The following DISC1 variants were observed in gnomAD, a reference collection of about 807,000 sequenced individuals.
DISC1 encodes the protein disrupted in schizophrenia 1 protein.
A neutral mutation model predicts 84.5 loss-of-function variants in DISC1; 57 were observed. That is an observed-to-expected ratio of 0.67 (90% CI 0.55 to 0.84). The LOEUF is 0.84. Ranked by LOEUF, DISC1 falls within the 40% of genes least tolerant of loss-of-function variation. DISC1 has a pLI of 0.00. For synonymous variants in DISC1, 411 were observed against 415.2 expected (o/e 0.99, Z 0.12); for missense variants, 1,000 against 1,057.8 (o/e 0.95, Z 0.76).
Position 232,005,948 on chromosome 1 carries a change from A to T in DISC1, c.2043-2837A>T, listed in dbSNP as rs186926197. 2.5e-3 allele frequency among the ~76,000 whole-genome samples: 378 copies of T among 152,308 alleles called. 2 individuals carry two copies. Among genetic ancestry groups the T allele is most frequent in the Non-Finnish European group, 4.1e-3 (278 of 68,026 alleles). ...AATTCCTGATTTTGGTTTTCCAAAA[A>T]AAAGTCAAAATTTTGTCAACATTGA... On this transcript the variant is annotated intron_variant, in intron 10 of 12. Coordinates refer to ENST00000439617, the MANE Select transcript of DISC1 (RefSeq NM_018662.3).
At chr1:231,785,257 T>TTTA (rs376064708) in intron 6 of DISC1, among the ~76,000 whole-genome samples, 2,774 of 104,722 alleles carry the variant, frequency 0.026, 38 homozygotes, top group Non-Finnish European at 0.035. Flanking sequence ...GTGTGTGTTA[T>TTTA]TTTATTTATT....
At chr1:231,981,452 G>A (rs1663594669) in intron 10 of DISC1, among the ~76,000 whole-genome samples, 2 of 152,132 alleles carry the variant, frequency 1.3e-5, no homozygotes, top group South Asian at 2.1e-4. Context: ...AGATCCCCTG[G>A]GTTTTAGAGT....
At chr1:231,657,632 T>A (rs898855854) in intron 1 of DISC1, among the ~76,000 whole-genome samples, 1 of 152,260 alleles carries the variant, frequency 6.6e-6, no homozygotes, top group Non-Finnish European at 1.5e-5. Context: ...CTTAAGTCTT[T>A]AATCCATCTT....
At chr1:231,825,415 C>T (rs188671557) in intron 9 of DISC1, among the ~76,000 whole-genome samples, 2 of 152,152 alleles carry the variant, frequency 1.3e-5, no homozygotes, top group Non-Finnish European at 2.9e-5. Context: ...CTAATCAGTG[C>T]GTATTAGAGT....
At chr1:231,632,394 C>T (rs2058788035) in intron 1 of DISC1, among the ~76,000 whole-genome samples, 1 of 152,238 alleles carries the variant, frequency 6.6e-6, no homozygotes, top group South Asian at 2.1e-4. Context: ...TGTTAAGCCA[C>T]AACATTTGCC....
chr1:231,918,332 A>G (rs11122374), intron 9 of DISC1, among the ~76,000 whole-genome samples: 39,774 of 152,200 alleles, frequency 0.26, 7,383 homozygotes, highest in East Asian at 0.7. Context: ...TTCATGTGAG[A>G]TTACAGAGGA....
At chr1:232,022,866 C>G (rs1316618937) in intron 11 of DISC1, among the ~76,000 whole-genome samples, 1 of 152,112 alleles carries the variant, frequency 6.6e-6, no homozygotes, top group Non-Finnish European at 1.5e-5. Flanking sequence ...GTCAGACCAA[C>G]AAGTAGAGGT....
intron 9 of DISC1, among the ~76,000 whole-genome samples, chr1:231,823,674 C>T (rs1395041965): frequency 1.3e-5 from 2 of 152,136 alleles, no homozygotes; most frequent in African/African-American, 4.8e-5. Flanking sequence ...TTCAGGAATA[C>T]ATGTGCAGGT....
intron 3 of DISC1, among the ~76,000 whole-genome samples, chr1:231,731,209 A>G (rs1474502028): frequency 1.3e-5 from 2 of 152,368 alleles, no homozygotes; most frequent in African/African-American, 4.8e-5. Context: ...GGCTTAGCCC[A>G]GGAGGGTTCT....
chr1:231,758,885 A>G (rs771640894), intron 4 of DISC1, among the ~76,000 whole-genome samples: 1 of 152,200 alleles, frequency 6.6e-6, no homozygotes, highest in Non-Finnish European at 1.5e-5. Context: ...AACTGGTCCT[A>G]TTTGTAACCG....
At chr1:231,654,807 T>A (rs1249018514) in intron 1 of DISC1, among the ~76,000 whole-genome samples, 1 of 152,250 alleles carries the variant, frequency 6.6e-6, no homozygotes, top group Non-Finnish European at 1.5e-5. Context: ...TTCCTAGATA[T>A]TATTACCAAG....
chr1:232,021,995 G>T (rs555113144), intron 11 of DISC1, among the ~76,000 whole-genome samples: 1 of 152,282 alleles, frequency 6.6e-6, no homozygotes, highest in East Asian at 1.9e-4. Context: ...ATGGAGACTG[G>T]GTTCCAGGGT....
chr1:231,779,157 C>T (rs1344106156), intron 6 of DISC1, among the ~76,000 whole-genome samples: 4 of 152,140 alleles, frequency 2.6e-5, no homozygotes, highest in South Asian at 2.1e-4. Context: ...AGCGGCTAAA[C>T]GAGCACTGTC....
intron 9 of DISC1, among the ~76,000 whole-genome samples, chr1:231,946,296 G>T (rs1214526486): frequency 6.6e-6 from 1 of 152,112 alleles, no homozygotes; most frequent in African/African-American, 2.4e-5. Context: ...GGGTTGCAAG[G>T]CTGTTTCAAC....
rs1184436397 is a variant in DISC1 at position 232,031,247 on chromosome 1, A to T, written c.2425+4695A>T. 6.7e-6 allele frequency among the ~76,000 whole-genome samples: 1 copy of T among 149,794 alleles called. No individual in the cohort carries two copies. Among genetic ancestry groups the T allele is most frequent in the Non-Finnish European group, 1.5e-5 (1 of 67,374 alleles). On this transcript the variant is annotated intron_variant, in intron 12 of 12. Coordinates refer to ENST00000439617, the MANE Select transcript of DISC1 (RefSeq NM_018662.3). This position sits in a 1 kb window ranked among gnomAD's most constrained non-coding sequence, Gnocchi z 4.6. Reference sequence around the variant, plus strand: ...AAAGAGAGAGAGAAAGAGAGGAAGGAAGGAAGGAGAAAGAAAGATAAAGAA... The same window carrying T: ...AAAGAGAGAGAGAAAGAGAGGAAGGTAGGAAGGAGAAAGAAAGATAAAGAA...
At chr1:232,022,729 CA>C (rs1669083180) in intron 11 of DISC1, among the ~76,000 whole-genome samples, 1 of 152,176 alleles carries the variant, frequency 6.6e-6, no homozygotes, top group African/African-American at 2.4e-5. Context: ...TGTCAATTCT[CA>C]GTTTAGGTCT....
At chr1:231,686,057 C>A (rs1023866807) in intron 1 of DISC1, among the ~76,000 whole-genome samples, 1 of 152,208 alleles carries the variant, frequency 6.6e-6, no homozygotes, top group Non-Finnish European at 1.5e-5. Flanking sequence ...TGGTCTGGGG[C>A]AGCTCCACCC....
intron 1 of DISC1, among the ~76,000 whole-genome samples, chr1:231,659,272 G>T (rs543456998): frequency 4.6e-5 from 7 of 152,270 alleles, no homozygotes; most frequent in African/African-American, 1.4e-4. Context: ...GTGCATAGAG[G>T]TGTTTACAGT....
At chr1:231,960,527 C>T (rs1043556833) in intron 10 of DISC1, among the ~76,000 whole-genome samples, 6 of 152,304 alleles carry the variant, frequency 3.9e-5, no homozygotes, top group South Asian at 2.1e-4. Flanking sequence ...GCTGGGATTA[C>T]GGGTGTGCAC....
Sources: gnomAD v4.1 joint callset for allele counts (sites outside exome capture counted in the v4.1 genomes callset) on GRCh38, gnomAD v4.1.1 for gene constraint, Gnocchi (gnomAD v3.1) non-coding constraint, MANE v1.5 for transcripts, NCBI Gene and HGNC (gene_info 2026-07-23, HGNC 2026-07-21) for gene names.